VPS8: variants seen among roughly 807,000 people sequenced by gnomAD.
VPS8 encodes the protein VPS8 subunit of CORVET complex.
In VPS8, 129 loss-of-function variants were observed where a neutral mutation model predicts 216.4. The ratio of observed to expected loss-of-function variants is 0.60; its 90% CI spans 0.52 to 0.69. The LOEUF (loss-of-function observed/expected upper bound fraction) is 0.69. VPS8 is among the 30% of genes least tolerant of loss of function. The pLI, the probability that VPS8 is intolerant of heterozygous loss-of-function variation, is 0.00. For missense variants in VPS8, 1,531 were observed against 1,683.5 expected (o/e 0.91, Z 1.59); for synonymous variants, 571 against 565.4 (o/e 1.01, Z -0.14).
In VPS8 at chr3:184,852,497, T is replaced by C. The variant is rs1724492651; in HGVS notation, c.754-3T>C. ...CAAGAAAATAAATTCCTTCTCTGTTTAGTTTACAGATGATCCAACTCTTGC... is the reference window on the plus strand; with the variant it reads ...CAAGAAAATAAATTCCTTCTCTGTTCAGTTTACAGATGATCCAACTCTTGC... On this transcript the variant is annotated splice_polypyrimidine_tract_variant and splice_region_variant and intron_variant, in intron 10 of 47. Coordinates refer to ENST00000625842, the MANE Select transcript of VPS8 (RefSeq NM_001009921.3). 6.2e-7 allele frequency: 1 copy of C among 1,611,834 alleles called. No homozygotes were observed. The highest frequency in any genetic ancestry group is 8.5e-7 in the Non-Finnish European group (1 of 1,179,120).
chr3:184,839,554 G>T, intron 6 of VPS8, 144 bp from the exon 7 acceptor site: 1 of 714,272 alleles, frequency 1.4e-6, no homozygotes, highest in African/African-American at 1.8e-5. Flanking sequence ...TTCCCGTTTT[G>T]CCTCCTGGAT....
chr3:184,880,298 C>T (rs959481537), intron 21 of VPS8, among the ~76,000 whole-genome samples: 8 of 152,114 alleles, frequency 5.3e-5, no homozygotes, highest in African/African-American at 1.7e-4. Context: ...CCTTTTATAG[C>T]CACACCCACT....
chr3:184,900,221 C>T (rs1017708398), intron 24 of VPS8, among the ~76,000 whole-genome samples: 10 of 152,182 alleles, frequency 6.6e-5, no homozygotes, highest in African/African-American at 2.4e-4. Flanking sequence ...TTTGAATTCA[C>T]TGACAATATA....
At chr3:184,872,887 A>G (rs922324186) in intron 21 of VPS8, among the ~76,000 whole-genome samples, 3 of 152,160 alleles carry the variant, frequency 2.0e-5, no homozygotes, top group African/African-American at 4.8e-5. Flanking sequence ...GGAGAAAGTA[A>G]TGTTGAAAGA....
chr3:184,907,784 A>G (rs886314765), intron 25 of VPS8, among the ~76,000 whole-genome samples: 1 of 152,160 alleles, frequency 6.6e-6, no homozygotes. Flanking sequence ...TCTCACTTTA[A>G]TCCTATCAGT....
chr3:184,915,144 C>G, intron 27 of VPS8, 91 bp downstream of exon 27: 1 of 1,427,648 alleles, frequency 7.0e-7, no homozygotes. Flanking sequence ...ACACGTGGGT[C>G]AGGAGCTATC....
chr3:185,010,646 G>T (rs1401571953), intron 45 of VPS8, among the ~76,000 whole-genome samples: 1 of 151,906 alleles, frequency 6.6e-6, no homozygotes, highest in African/African-American at 2.4e-5. Flanking sequence ...GAGAAGAAAT[G>T]ATTAGTGAAC....
intron 46 of VPS8, among the ~76,000 whole-genome samples, chr3:185,031,161 G>A (rs1240956764): frequency 1.4e-5 from 2 of 142,798 alleles, no homozygotes; most frequent in Non-Finnish European, 1.5e-5. Context: ...GTCTCAGCTC[G>A]CTGGCCCTAA....
chr3:184,968,534 C>G lies in VPS8; in HGVS notation c.3316+1821C>G, dbSNP rs548276165. Among the ~76,000 whole-genome samples the G allele has an allele frequency of 2.0e-5, 3 of 152,246 alleles. No individual in the cohort carries two copies. The South Asian group carries it at 6.2e-4, about 32-fold the overall frequency. On this transcript the variant is annotated intron_variant, in intron 39 of 47. Transcript: ENST00000625842. ...GGTTCCAATTTCTCCACATCCTTTC[C>G]GACATTTATATTCTCTTTTTTTTAA...
intron 46 of VPS8, among the ~76,000 whole-genome samples, chr3:185,031,063 GTTTTTTTTTTTT>G (rs765510619): frequency 4.2e-4 from 27 of 64,348 alleles, no homozygotes; most frequent in African/African-American, 1.7e-3. Context: ...ACAGGTTGGC[GTTTTTTTTTTTT>G]TTTTTTTTTT....
intron 16 of VPS8, among the ~76,000 whole-genome samples, chr3:184,865,240 A>G (rs972592520): frequency 6.6e-6 from 1 of 152,244 alleles, no homozygotes; most frequent in Non-Finnish European, 1.5e-5. Context: ...AATTGGAAAA[A>G]CTAATGGTCA....
chr3:184,931,156 G>A (rs548275424), intron 34 of VPS8, among the ~76,000 whole-genome samples: 1 of 152,166 alleles, frequency 6.6e-6, no homozygotes, highest in Non-Finnish European at 1.5e-5. Flanking sequence ...TCTGAAATGG[G>A]ACCCAAAAAT....
At chr3:184,936,397 C>T (rs762433216) in intron 35 of VPS8, 62 bp downstream of exon 35, 223 of 1,408,824 alleles carry the variant, frequency 1.6e-4, no homozygotes, top group Middle Eastern at 1.7e-4. Flanking sequence ...ATTAAATCGT[C>T]ACCTAAGAAG....
At chr3:184,921,617 A>G (rs1170270385) in intron 29 of VPS8, among the ~76,000 whole-genome samples, 1 of 151,620 alleles carries the variant, frequency 6.6e-6, no homozygotes, top group Non-Finnish European at 1.5e-5. Flanking sequence ...TCTGTTGCCC[A>G]GGCTAGAGTG....
intron 5 of VPS8, chr3:184,834,990 A>G (rs1720752209): frequency 3.0e-6 from 1 of 336,822 alleles, no homozygotes; most frequent in East Asian, 4.6e-5. Context: ...GAAATATGGC[A>G]GCAAGCCTAA....
chr3:185,035,232 G>A (rs1282191879), intron 46 of VPS8, among the ~76,000 whole-genome samples: 1 of 152,096 alleles, frequency 6.6e-6, no homozygotes, highest in Non-Finnish European at 1.5e-5. Context: ...AAATATTGAG[G>A]AAGGACTCCT....
intron 36 of VPS8, 26 bp from the exon 37 acceptor site, chr3:184,957,348 G>T (rs754724045): frequency 6.3e-7 from 1 of 1,579,716 alleles, no homozygotes; most frequent in Non-Finnish European, 8.6e-7. Flanking sequence ...ACAATTGAGT[G>T]TTCTCTTTAT....
At chr3:185,007,912 A>C (rs1754482824) in intron 45 of VPS8, among the ~76,000 whole-genome samples, 1 of 152,104 alleles carries the variant, frequency 6.6e-6, no homozygotes. Flanking sequence ...TTCCCACTAC[A>C]CTTGGAGATT....
chr3:184,931,118 C>T (rs1345944133), intron 34 of VPS8, among the ~76,000 whole-genome samples: 1 of 152,108 alleles, frequency 6.6e-6, no homozygotes, highest in Non-Finnish European at 1.5e-5. Flanking sequence ...AGACTACTTG[C>T]GTGATGAGGG....
Sources: gnomAD v4.1 joint callset for allele counts (sites outside exome capture counted in the v4.1 genomes callset) on GRCh38, gnomAD v4.1.1 for gene constraint, MANE v1.5 for transcripts, NCBI Gene and HGNC (gene_info 2026-07-23, HGNC 2026-07-21) for gene names.